PCDHB4: variants seen among roughly 807,000 people sequenced by gnomAD.
PCDHB4 encodes the protein protocadherin beta 4, also known as protocadherin beta-4.
For missense variants in PCDHB4, 1,063 were observed against 1,007.0 expected, an observed-to-expected ratio of 1.06 and a Z score of -0.75; for synonymous variants, 482 against 447.3, an observed-to-expected ratio of 1.08 and a Z score of -0.98.
In PCDHB4 at chr5:141,123,209, CAG is replaced by C; in HGVS notation, c.1217_1218del (p.Arg406ThrfsTer9). 1 of 1,614,182 alleles carries C rather than the reference CAG, an allele frequency of 6.2e-7. No individual in the cohort carries two copies. The highest frequency in any genetic ancestry group is 2.2e-5 in the East Asian group (1 of 44,872). On this transcript the variant is annotated frameshift_variant, in exon 1 of 1. Coordinates refer to ENST00000194152, the MANE Select transcript of PCDHB4 (RefSeq NM_018938.4). LOFTEE classifies it low-confidence loss of function (END_TRUNC). The stretch of plus-strand genomic sequence containing the variant: ...TTGAAGAATTTTTACACCCTGGTAA[CAG>C]AGAGACCACTGGACCGAGAGACCAG...
chr5:141,123,373 G>A lies in PCDHB4; in HGVS notation c.1375G>A (p.Val459Ile), dbSNP rs142630785. ...CACCCAAACCTCCTACACCCTGTTC[G>A]TCCGCGAGAACAACAGCCCCGCCCT... ...AFTQTSYTLF[V>I]RENNSPALHI... The change falls in exon 1 of 1, where the codon GTC becomes ATC. Residue 459 changes from valine to isoleucine, a missense_variant. Val to Ile is a conservative substitution (Grantham distance 29). Coordinates refer to ENST00000194152, the MANE Select transcript of PCDHB4 (RefSeq NM_018938.4). The A allele has an allele frequency of 1.9e-6, 3 of 1,613,734 alleles. No individual in the cohort carries two copies.
At position 141,121,997 on chromosome 5, in the gene PCDHB4, A is replaced by G. The variant is rs781835202; in HGVS notation, c.-2A>G. The G allele has an allele frequency of 3.8e-6, 6 of 1,574,494 alleles. No individual in the cohort carries two copies. The South Asian group carries it at 4.8e-5, about 13-fold the overall frequency. ...ATTGGATATAGGGACCTGGACTCCA[A>G]CATGAAGAAGCTAGGGAGAATTCAT... is the stretch of plus-strand genomic sequence containing the variant. On this transcript the variant is annotated 5_prime_UTR_variant, in exon 1 of 1. Coordinates refer to ENST00000194152, the MANE Select transcript of PCDHB4 (RefSeq NM_018938.4).
chr5:141,122,576 T>C lies in PCDHB4; in HGVS notation c.578T>C (p.Leu193Ser). Reference sequence around the variant, plus strand: ...AGTGAGGGCAAGAAATACCCAGATTTGGTGCAGGACAAACCACTGGATCGA... The same window carrying C: ...AGTGAGGGCAAGAAATACCCAGATTCGGTGCAGGACAAACCACTGGATCGA... The part of the protein sequence containing the change: ...NHSEGKKYPD[L>S]VQDKPLDREE... Residue 193 changes from leucine to serine, a missense_variant, in exon 1 of 1, where the codon TTG (leucine) becomes TCG (serine). Physicochemically the swap from Leu to Ser is moderately radical, Grantham distance 145 (BLOSUM62 -2). Transcript: ENST00000194152. 1 of 1,614,218 alleles carries C rather than the reference T, an allele frequency of 6.2e-7. No homozygotes were observed. The highest frequency in any genetic ancestry group is 8.5e-7 in the Non-Finnish European group (1 of 1,180,036).
Position 141,122,537 on chromosome 5 carries a change from T to G in PCDHB4, c.539T>G (p.Leu180Arg). The G allele has an allele frequency of 6.2e-7, 1 of 1,614,226 alleles. No individual in the cohort carries two copies. The highest frequency in any genetic ancestry group is 8.5e-7 in the Non-Finnish European group (1 of 1,180,030). The change falls in exon 1 of 1, where the codon CTC becomes CGC. Residue 180 changes from leucine to arginine, a missense_variant. By Grantham distance (102) the Leu-to-Arg change is moderately radical (BLOSUM62 -2). Coordinates refer to ENST00000194152, the MANE Select transcript of PCDHB4 (RefSeq NM_018938.4). ...AGCCCCAATTCTCATTTTCACATTC[T>G]CACTCGAAATCATAGTGAGGGCAAG... ...TISPNSHFHILTRNHSEGKKY... is the reference protein window; with the variant it reads ...TISPNSHFHIRTRNHSEGKKY...
In PCDHB4 at chr5:141,123,313, C is replaced by T. The variant is rs781897209; in HGVS notation, c.1315C>T (p.Gln439Ter). 6.2e-7 allele frequency: 1 copy of T among 1,614,072 alleles called. No homozygotes were observed. The highest frequency in any genetic ancestry group is 1.3e-5 in the African/African-American group (1 of 74,934). Residue 439 changes from glutamine (Q) to a stop codon, truncating the protein, a stop_gained, in exon 1 of 1, where the codon CAG becomes TAG. Transcript: ENST00000194152. LOFTEE classifies it low-confidence loss of function (END_TRUNC). Reference protein sequence around the residue: ...RLKTQQNITVQVSDVNDNAPA... With the variant: ...RLKTQQNITV ...GAAAACCCAGCAGAACATAACCGTG[C>T]AGGTCTCCGACGTCAATGACAACGC... is the stretch of plus-strand genomic sequence containing the variant.
rs782505038 is a variant in PCDHB4 at position 141,123,444 on chromosome 5, C to A, written c.1446C>A (p.Asn482Lys). The A allele has an allele frequency of 2.5e-6, 4 of 1,613,006 alleles. No homozygotes were observed. The Admixed American group carries it at 5.0e-5, about 20-fold the overall frequency. Reference protein sequence around the residue: ...VSATDRDSGTNAQVTYSLLPP... With the variant: ...VSATDRDSGTKAQVTYSLLPP... ...CCACAGACAGAGACTCGGGCACCAA[C>A]GCCCAGGTCACCTACTCGCTGCTGC... The change falls in exon 1 of 1, where the codon AAC (asparagine) becomes AAA (lysine). Residue 482 changes from asparagine to lysine, a missense_variant. Coordinates refer to ENST00000194152, the MANE Select transcript of PCDHB4 (RefSeq NM_018938.4).
rs781897779 is a variant in PCDHB4 at position 141,123,837 on chromosome 5, G to A, written c.1839G>A (p.Leu613=). The A allele has an allele frequency of 6.2e-6, 10 of 1,609,024 alleles. No homozygotes were observed. The highest frequency in any genetic ancestry group is 3.3e-5 in the South Asian group (3 of 90,968). The change falls in exon 1 of 1, where the codon CTG becomes CTA. Residue 613 remains leucine, a synonymous_variant. Coordinates refer to ENST00000194152, the MANE Select transcript of PCDHB4 (RefSeq NM_018938.4). ...YQLLKATEPG[L]FGVWAHNGEV... is the part of the protein sequence containing the mutation. Reference sequence around the variant, plus strand: ...TGCTCAAGGCCACGGAGCCTGGGCTGTTCGGCGTGTGGGCGCACAATGGCG... The same window carrying A: ...TGCTCAAGGCCACGGAGCCTGGGCTATTCGGCGTGTGGGCGCACAATGGCG...
rs1752335438 is a variant in PCDHB4 at position 141,123,345 on chromosome 5, C to T, written c.1347C>T (p.Ala449=). ...QVSDVNDNAP[A]FTQTSYTLFV... The stretch of plus-strand genomic sequence containing the variant: ...CCGACGTCAATGACAACGCCCCCGC[C>T]TTCACCCAAACCTCCTACACCCTGT... Residue 449 remains alanine, a synonymous_variant, in exon 1 of 1, where the codon GCC becomes GCT. Coordinates refer to ENST00000194152, the MANE Select transcript of PCDHB4 (RefSeq NM_018938.4). 1 of 1,613,778 alleles carries T rather than the reference C, an allele frequency of 6.2e-7. No homozygotes were observed. The highest frequency in any genetic ancestry group is 2.2e-5 in the East Asian group (1 of 44,882).
At position 141,122,738 on chromosome 5, in the gene PCDHB4, G is replaced by C; in HGVS notation, c.740G>C (p.Gly247Ala). 6.2e-7 allele frequency: 1 copy of C among 1,614,108 alleles called. No homozygotes were observed. Among genetic ancestry groups the C allele is most frequent in the Non-Finnish European group, 8.5e-7 (1 of 1,179,996 alleles). ...NAPEFVHTPYGVQVLENSPLD... is the reference protein window; with the variant it reads ...NAPEFVHTPYAVQVLENSPLD... ...CCTGAGTTTGTGCACACTCCATATG[G>C]GGTGCAGGTCCTGGAAAACAGCCCC... The change falls in exon 1 of 1, where the codon GGG becomes GCG. Residue 247 changes from glycine (G) to alanine (A), a missense_variant. Physicochemically the swap from Gly to Ala is moderately conservative, Grantham distance 60. Transcript: ENST00000194152.
rs782697232 is a variant in PCDHB4 at position 141,123,406 on chromosome 5, G to C, written c.1408G>C (p.Gly470Arg). ...GAACAACAGCCCCGCCCTGCACATC[G>C]GCAGTGTCAGCGCCACAGACAGAGA... Reference protein sequence around the residue: ...RENNSPALHIGSVSATDRDSG... With the variant: ...RENNSPALHIRSVSATDRDSG... Residue 470 changes from glycine (G) to arginine (R), a missense_variant, in exon 1 of 1, where the codon GGC (glycine) becomes CGC (arginine). Physicochemically the swap from Gly to Arg is moderately radical, Grantham distance 125. Transcript: ENST00000194152. The C allele has an allele frequency of 2.4e-5, 38 of 1,613,314 alleles. No individual in the cohort carries two copies. The highest frequency in any genetic ancestry group is 1.8e-4 in the Middle Eastern group (1 of 5,486).
chr5:141,122,375 A>G lies in PCDHB4; in HGVS notation c.377A>G (p.Asn126Ser), dbSNP rs781961441. 1.9e-6 allele frequency: 3 copies of G among 1,614,068 alleles called. No homozygotes were observed. Among genetic ancestry groups the G allele is most frequent in the African/African-American group, 1.3e-5 (1 of 74,944 alleles). The change falls in exon 1 of 1, where the codon AAT (asparagine) becomes AGT (serine). Residue 126 changes from asparagine to serine, a missense_variant. Transcript: ENST00000194152. Reference sequence around the variant, plus strand: ...GGAGAATTATTGATCCAGGACATAAATGATCACTCTCCAATATTCCCTGAA... The same window carrying G: ...GGAGAATTATTGATCCAGGACATAAGTGATCACTCTCCAATATTCCCTGAA... ...FQGELLIQDINDHSPIFPERE... is the reference protein window; with the variant it reads ...FQGELLIQDISDHSPIFPERE...
rs782700071 is a variant in PCDHB4 at position 141,122,980 on chromosome 5, G to A, written c.982G>A (p.Gly328Arg). The stretch of plus-strand genomic sequence containing the variant: ...GGCCACAGATGGAGGAGGCCTTTCT[G>A]GAAAAGGCACTGTAGTCATAGAGGT... Reference protein sequence around the residue: ...IEATDGGGLSGKGTVVIEVVD... With the variant: ...IEATDGGGLSRKGTVVIEVVD... The change falls in exon 1 of 1, where the codon GGA (glycine) becomes AGA (arginine). Residue 328 changes from glycine to arginine, a missense_variant. Coordinates refer to ENST00000194152, the MANE Select transcript of PCDHB4 (RefSeq NM_018938.4). 5.3e-5 allele frequency: 86 copies of A among 1,613,458 alleles called. 5 individuals are homozygous for A. In the South Asian group the frequency reaches 8.8e-4, roughly 17 times the overall value.
rs1752288027 is a variant in PCDHB4, at chr5:141,121,864, G to T, written c.-135G>T. ...CAGTGCAGGTTTACCAACGGCTTGG[G>T]GCAGCGATATACTAAACAAATTTAA... is the stretch of plus-strand genomic sequence containing the variant. On this transcript the variant is annotated 5_prime_UTR_variant, in exon 1 of 1. Coordinates refer to ENST00000194152, the MANE Select transcript of PCDHB4 (RefSeq NM_018938.4). The T allele has an allele frequency of 3.2e-6, 2 of 630,714 alleles. No individual in the cohort carries two copies. Among genetic ancestry groups the T allele is most frequent in the South Asian group, 4.6e-5 (2 of 43,390 alleles). 39.1% of individuals were successfully genotyped at this position (630,714 alleles called of 1,614,324 possible). A position where few individuals can be genotyped will look rare whatever the true frequency, so the allele number is the denominator to read the frequency against.
Position 141,123,280 on chromosome 5 carries a change from C to T in PCDHB4, c.1282C>T (p.Pro428Ser). 1 of 1,614,172 alleles carries T rather than the reference C, an allele frequency of 6.2e-7. No homozygotes were observed. The highest frequency in any genetic ancestry group is 8.5e-7 in the Non-Finnish European group (1 of 1,180,040). ...CATCGCCGTCACTGACTTGGGGACA[C>T]CCAGGCTGAAAACCCAGCAGAACAT... The part of the protein sequence containing the change: ...ITIAVTDLGT[P>S]RLKTQQNITV... Residue 428 changes from proline (P) to serine (S), a missense_variant, in exon 1 of 1, where the codon CCC (proline) becomes TCC (serine). Transcript: ENST00000194152.
chr5:141,124,526 T>C lies in PCDHB4; in HGVS notation c.*140T>C. ...TACTCATGTCCCTGATAAAGCTAAA[T>C]TTGTCCCTTTTTTATTGTTATTAAT... On this transcript the variant is annotated 3_prime_UTR_variant, in exon 1 of 1. Coordinates refer to ENST00000194152, the MANE Select transcript of PCDHB4 (RefSeq NM_018938.4). 1.4e-6 allele frequency: 1 copy of C among 716,108 alleles called. No homozygotes were observed. The highest frequency in any genetic ancestry group is 2.2e-6 in the Non-Finnish European group (1 of 454,274). 44.4% of individuals were successfully genotyped at this position (716,108 alleles called of 1,614,324 possible). A position where few individuals can be genotyped will look rare whatever the true frequency, so the allele number is the denominator to read the frequency against.
rs1342074087 is a variant in PCDHB4 at position 141,122,859 on chromosome 5, TA to T, written c.864del (p.Lys288AsnfsTer6). 6.2e-7 allele frequency: 1 copy of T among 1,613,790 alleles called. No homozygotes were observed. On this transcript the variant is annotated frameshift_variant, in exon 1 of 1. Transcript: ENST00000194152. LOFTEE classifies it low-confidence loss of function (END_TRUNC). ...GCTTATTCCAAGCATCAGATGAAATTAAACAAACTTTCTCAATAAATGAAGT... is the reference window on the plus strand; with the variant it reads ...GCTTATTCCAAGCATCAGATGAAATTAACAAACTTTCTCAATAAATGAAGT... Reference protein sequence around the residue: ...YGLFQASDEIKQTFSINEVTG... With the variant: ...YGLFQASDEIXQTFSINEVTG...
chr5:141,123,732 G>C lies in PCDHB4; in HGVS notation c.1734G>C (p.Ala578=), dbSNP rs782486960. 1.3e-4 allele frequency: 208 copies of C among 1,610,198 alleles called. No individual in the cohort carries two copies. Among genetic ancestry groups the C allele is most frequent in the Non-Finnish European group, 1.7e-4 (206 of 1,179,572 alleles). ...SAPCTELVPR[A]AEPGYLVTKV... The stretch of plus-strand genomic sequence containing the variant: ...CCTGCACCGAGCTGGTGCCCCGGGC[G>C]GCCGAGCCGGGCTACCTGGTGACCA... Residue 578 remains alanine, a synonymous_variant, in exon 1 of 1, where the codon GCG becomes GCC. Coordinates refer to ENST00000194152, the MANE Select transcript of PCDHB4 (RefSeq NM_018938.4).
Position 141,122,328 on chromosome 5 carries a change from A to T in PCDHB4, c.330A>T (p.Glu110Asp). 6.2e-7 allele frequency: 1 copy of T among 1,614,142 alleles called. No homozygotes were observed. ...TACTGCATTTCCAAGTGTTCCTGGA[A>T]ATGCCGGTGCAATTTTTTCAAGGAG... ...PCVLHFQVFL[E>D]MPVQFFQGEL... Residue 110 changes from glutamate (E) to aspartate (D), a missense_variant, in exon 1 of 1, where the codon GAA becomes GAT. Transcript: ENST00000194152.
rs1212032543 is a variant in PCDHB4, at chr5:141,125,427, A to T, written c.*1041A>T. 1 of 152,178 alleles carries T rather than the reference A, an allele frequency of 6.6e-6. No individual in the cohort carries two copies. The highest frequency in any genetic ancestry group is 1.5e-5 in the Non-Finnish European group (1 of 68,012). The allele number at this position is 152,178 out of a possible 1,614,324, so 9.4% of individuals were successfully genotyped here. ...GTTGATCTCAGGTTTTTCACTGTAC[A>T]TTACTTTGCAGATATGGACAGCCTT... On this transcript the variant is annotated 3_prime_UTR_variant, in exon 1 of 1. Coordinates refer to ENST00000194152, the MANE Select transcript of PCDHB4 (RefSeq NM_018938.4).
Sources: gnomAD v4.1 joint callset for allele counts on GRCh38, gnomAD v4.1.1 for gene constraint, MANE v1.5 for transcripts, NCBI Gene and HGNC (gene_info 2026-07-23, HGNC 2026-07-21) for gene names.